The following EPHA6 variants were observed in gnomAD, a reference collection of about 807,000 sequenced individuals.
EPHA6 encodes the protein ephrin type-A receptor 6.
EPHA6 carries 50 observed loss-of-function variants against 112.0 expected under a neutral mutation model. The observed-to-expected ratio is 0.45, with a 90% CI of 0.36 to 0.56. The LOEUF (loss-of-function observed/expected upper bound fraction) is 0.56. Among genes scored for constraint, EPHA6 ranks in the 20% least tolerant of loss-of-function variants. The probability of loss-of-function intolerance (pLI) is 0.00; values close to 1 mark genes in which losing one functional copy is unlikely to be tolerated. For missense variants in EPHA6, 1,280 were observed against 1,417.4 expected (o/e 0.90, Z 1.56); for synonymous variants, 529 against 490.7 (o/e 1.08, Z -1.03).
chr3:97,359,440 T>C (rs1205770426), intron 5 of EPHA6, among the ~76,000 whole-genome samples: 1 of 151,872 alleles, frequency 6.6e-6, no homozygotes, highest in Non-Finnish European at 1.5e-5. Context: ...ATTTCCATTT[T>C]GTTCATACAT....
chr3:97,421,813 CAT>C (rs2088663437), intron 6 of EPHA6, among the ~76,000 whole-genome samples: 1 of 152,056 alleles, frequency 6.6e-6, no homozygotes, highest in East Asian at 1.9e-4. Flanking sequence ...CAGACTTGCA[CAT>C]GTGTGGACCT....
In EPHA6 at chr3:97,556,802, C is replaced by T. The variant is rs186016458; in HGVS notation, c.2386+24259C>T. Among the ~76,000 whole-genome samples the T allele has an allele frequency of 3.6e-3, 554 of 152,024 alleles. 4 individuals carry two copies. Among genetic ancestry groups the T allele is most frequent in the African/African-American group, 0.01 (424 of 41,494 alleles). On this transcript the variant is annotated intron_variant, in intron 11 of 17. Coordinates refer to ENST00000389672, the MANE Select transcript of EPHA6 (RefSeq NM_001080448.3). ...ACTAAAAATCACAGAACTGAAAATC[C>T]TTTAAAACAGTGGAAGTTTATGGTG...
chr3:97,299,311 T>C (rs746670508), intron 5 of EPHA6, among the ~76,000 whole-genome samples: 13 of 151,872 alleles, frequency 8.6e-5, no homozygotes, highest in Non-Finnish European at 1.5e-4. Flanking sequence ...TATGGCCATA[T>C]GAGAGCATAT....
chr3:97,220,462 A>G (rs2078160551), intron 3 of EPHA6, among the ~76,000 whole-genome samples: 1 of 152,242 alleles, frequency 6.6e-6, no homozygotes, highest in African/African-American at 2.4e-5. Flanking sequence ...TATAAAGGAA[A>G]GAGGTTTAAT....
At chr3:97,014,943 C>CTA (rs1261048037) in intron 3 of EPHA6, among the ~76,000 whole-genome samples, 1 of 152,016 alleles carries the variant, frequency 6.6e-6, no homozygotes, top group East Asian at 1.9e-4. Flanking sequence ...GGTTTGTCTT[C>CTA]TATATATATT....
At chr3:97,322,193 G>A (rs996872478) in intron 5 of EPHA6, among the ~76,000 whole-genome samples, 6 of 152,028 alleles carry the variant, frequency 3.9e-5, no homozygotes, top group Non-Finnish European at 7.4e-5. Context: ...ATGTTTAGAT[G>A]CTAAGCTATG....
At chr3:97,193,154 T>C (rs941603699) in intron 3 of EPHA6, among the ~76,000 whole-genome samples, 1 of 152,110 alleles carries the variant, frequency 6.6e-6, no homozygotes, top group African/African-American at 2.4e-5. Context: ...ATTTTAGGCT[T>C]ACTTTTTCTA....
intron 3 of EPHA6, among the ~76,000 whole-genome samples, chr3:97,043,965 CA>C (rs2045411613): frequency 6.6e-6 from 1 of 152,138 alleles, no homozygotes; most frequent in Non-Finnish European, 1.5e-5. Context: ...AAATGTTTAG[CA>C]GGGCACTCAT....
Position 97,752,241 on chromosome 3 carries a change from G to A in EPHA6, c.*3540G>A, listed in dbSNP as rs1423184933. 3.1e-5 allele frequency: 7 copies of A among 222,312 alleles called. No homozygotes were observed. Among genetic ancestry groups the A allele is most frequent in the Admixed American group, 5.7e-5 (1 of 17,424 alleles). The allele number at this position is 222,312 out of a possible 1,614,324, so 13.8% of individuals were successfully genotyped here. A position where few individuals can be genotyped will look rare whatever the true frequency, so the allele number is the denominator to read the frequency against. The stretch of plus-strand genomic sequence containing the variant: ...ATGAATGGAAAACAAATCCAAATCC[G>A]ATCCTTGAAAAGCAAAGGCTCTAAA... On this transcript the variant is annotated 3_prime_UTR_variant, in exon 18 of 18. Coordinates refer to ENST00000389672, the MANE Select transcript of EPHA6 (RefSeq NM_001080448.3).
chr3:97,255,704 T>A (rs1384682286), intron 5 of EPHA6, among the ~76,000 whole-genome samples: 1 of 152,142 alleles, frequency 6.6e-6, no homozygotes, highest in African/African-American at 2.4e-5. Flanking sequence ...TTAAAGAGAT[T>A]TTTTGCTTAT....
intron 5 of EPHA6, among the ~76,000 whole-genome samples, chr3:97,379,777 A>AAT (rs2085616486): frequency 6.7e-6 from 1 of 148,898 alleles, no homozygotes; most frequent in African/African-American, 2.5e-5. Context: ...AAAAAAAAAA[A>AAT]TTAGAAAGGA....
intron 10 of EPHA6, among the ~76,000 whole-genome samples, chr3:97,506,191 A>G (rs2107573251): frequency 6.6e-6 from 1 of 151,990 alleles, no homozygotes; most frequent in Non-Finnish European, 1.5e-5. Flanking sequence ...GTTTAATTAG[A>G]TCCCATTTGT....
chr3:97,698,318 A>G (rs1437819068), intron 14 of EPHA6, among the ~76,000 whole-genome samples: 2 of 152,120 alleles, frequency 1.3e-5, no homozygotes, highest in Non-Finnish European at 2.9e-5. Flanking sequence ...TGTTTTCTTC[A>G]TCTACTTACT....
chr3:97,258,053 C>A (rs2079374871), intron 5 of EPHA6, among the ~76,000 whole-genome samples: 1 of 151,870 alleles, frequency 6.6e-6, no homozygotes, highest in Admixed American at 6.6e-5. Context: ...CTTGCTTGTT[C>A]TTTCATAACT....
At chr3:97,319,096 C>T (rs2081980974) in intron 5 of EPHA6, among the ~76,000 whole-genome samples, 1 of 151,342 alleles carries the variant, frequency 6.6e-6, no homozygotes, top group African/African-American at 2.4e-5. Context: ...CTTACGACAT[C>T]ACTTGTACTT....
chr3:97,142,235 T>G (rs778724429), intron 3 of EPHA6, among the ~76,000 whole-genome samples: 2 of 152,044 alleles, frequency 1.3e-5, no homozygotes, highest in African/African-American at 2.4e-5. Context: ...ATTCTGATGT[T>G]AGTTCTGCTT....
intron 3 of EPHA6, among the ~76,000 whole-genome samples, chr3:97,056,913 C>G (rs2045872484): frequency 6.6e-6 from 1 of 152,098 alleles, no homozygotes; most frequent in Non-Finnish European, 1.5e-5. Context: ...CTACTGCCAC[C>G]ACCACAATTA....
chr3:97,562,730 G>T (rs974299951), intron 11 of EPHA6, among the ~76,000 whole-genome samples: 2 of 152,132 alleles, frequency 1.3e-5, no homozygotes, highest in Non-Finnish European at 2.9e-5. Context: ...AAACAGCATT[G>T]ATGGTTCAAA....
chr3:97,099,467 A>G (rs1294745594), intron 3 of EPHA6, among the ~76,000 whole-genome samples: 1 of 151,126 alleles, frequency 6.6e-6, no homozygotes, highest in South Asian at 2.1e-4. Flanking sequence ...AGGATTAGAT[A>G]TTTCTTAATA....
Sources: gnomAD v4.1 joint callset for allele counts (sites outside exome capture counted in the v4.1 genomes callset) on GRCh38, gnomAD v4.1.1 for gene constraint, MANE v1.5 for transcripts, NCBI Gene and HGNC (gene_info 2026-07-23, HGNC 2026-07-21) for gene names.